Variants in KLRK1 observed in about 807,000 individuals in gnomAD.
KLRK1 encodes NKG2-D type II integral membrane protein.
Under a neutral mutation model 31.3 loss-of-function variants are expected in KLRK1, and 40 were observed. The observed-to-expected ratio is 1.28, with a 90% CI of 0.99 to 1.67. The LOEUF is 1.67. Ranked by LOEUF, KLRK1 falls within the 40% of genes most tolerant of loss-of-function variation. KLRK1 has a pLI of 0.00. For synonymous variants in KLRK1, 77 were observed against 77.3 expected, an observed-to-expected ratio of 1.00 and a Z score of 0.02; for missense variants, 251 against 260.0, an observed-to-expected ratio of 0.97 and a Z score of 0.24.
rs750918291 is a variant in KLRK1, at chr12:10,386,953, C to T, written c.98G>A (p.Arg33Gln). 1.4e-5 allele frequency: 23 copies of T among 1,611,420 alleles called. No homozygotes were observed. Among genetic ancestry groups the T allele is most frequent in the East Asian group, 6.7e-5 (3 of 44,568 alleles). The change falls in exon 3 of 8, where the codon CGA becomes CAA. Residue 33 changes from arginine to glutamine, a missense_variant. Coordinates refer to ENST00000240618, the MANE Select transcript of KLRK1 (RefSeq NM_007360.4). ...LDLKKSDFST[R>Q]WQKQRCPVVK... ...TACTGGACATCTTTGCTTTTGCCAT[C>T]GTGTTGAAAAATCACTCTTCTTCAG...
chr12:10,375,535 AT>A (rs1378123027), intron 7 of KLRK1, among the ~76,000 whole-genome samples: 1 of 152,214 alleles, frequency 6.6e-6, no homozygotes, highest in Non-Finnish European at 1.5e-5. Flanking sequence ...TAACATTGAT[AT>A]TGTTGTGACT....
At chr12:10,383,580 A>G (rs1469776961) in intron 3 of KLRK1, among the ~76,000 whole-genome samples, 1 of 152,108 alleles carries the variant, frequency 6.6e-6, no homozygotes, top group Admixed American at 6.5e-5. Context: ...CATTTTAAGC[A>G]ATGGACAGAT....
At chr12:10,376,947 G>C (rs573673910) in intron 7 of KLRK1, among the ~76,000 whole-genome samples, 37 of 152,220 alleles carry the variant, frequency 2.4e-4, no homozygotes, top group African/African-American at 8.4e-4. Context: ...CTCCCGAGTA[G>C]CTGGGATTAC....
At chr12:10,384,862 A>G (rs1417374443) in intron 3 of KLRK1, among the ~76,000 whole-genome samples, 3 of 152,108 alleles carry the variant, frequency 2.0e-5, no homozygotes, top group African/African-American at 7.2e-5. Flanking sequence ...CAAGAGACCA[A>G]TATCCAGAAT....
chr12:10,386,971 T>C lies in KLRK1; in HGVS notation c.80A>G (p.Lys27Arg), dbSNP rs528583023. 5 of 1,611,838 alleles carry C rather than the reference T, an allele frequency of 3.1e-6. No individual in the cohort carries two copies. In the African/African-American group the frequency reaches 4.0e-5, roughly 13 times the overall value. The change falls in exon 3 of 8, where the codon AAG becomes AGG. Residue 27 changes from lysine (K) to arginine (R), a missense_variant. Coordinates refer to ENST00000240618, the MANE Select transcript of KLRK1 (RefSeq NM_007360.4). ...TTGCCATCGTGTTGAAAAATCACTC[T>C]TCTTCAGATCCAAGTTATAATTATG... is the stretch of plus-strand genomic sequence containing the variant. ...EFHNYNLDLK[K>R]SDFSTRWQKQ...
intron 1 of KLRK1, among the ~76,000 whole-genome samples, chr12:10,389,435 A>G (rs972822774): frequency 1.3e-5 from 2 of 152,188 alleles, no homozygotes; most frequent in African/African-American, 4.8e-5. Flanking sequence ...TTAGCAATGC[A>G]CAGCAGAGCT....
At chr12:10,389,191 C>T (rs990954372) in intron 1 of KLRK1, among the ~76,000 whole-genome samples, 1 of 152,084 alleles carries the variant, frequency 6.6e-6, no homozygotes, top group South Asian at 2.1e-4. Flanking sequence ...TGTTTATAGT[C>T]GTTTATTGCT....
At chr12:10,373,419 A>T (rs1313476201) in intron 7 of KLRK1, among the ~76,000 whole-genome samples, 188 bp from the exon 8 acceptor site, 3 of 152,176 alleles carry the variant, frequency 2.0e-5, no homozygotes, top group Non-Finnish European at 4.4e-5. Flanking sequence ...ATTATAAATA[A>T]TGCGCCACTC....
chr12:10,387,080 T>C, intron 2 of KLRK1, 70 bp from the exon 3 acceptor site: 1 of 1,240,800 alleles, frequency 8.1e-7, no homozygotes, highest in Non-Finnish European at 1.1e-6. Context: ...ATTTTAAAAA[T>C]TCAGCTTGCC....
At chr12:10,384,828 A>G (rs1002801251) in intron 3 of KLRK1, among the ~76,000 whole-genome samples, 3 of 152,126 alleles carry the variant, frequency 2.0e-5, no homozygotes, top group Non-Finnish European at 4.4e-5. Context: ...AATAAGAGAA[A>G]ATACTCGCAA....
intron 2 of KLRK1, among the ~76,000 whole-genome samples, chr12:10,387,930 T>A (rs1384233513): frequency 2.0e-5 from 3 of 152,188 alleles, no homozygotes; most frequent in Non-Finnish European, 4.4e-5. Context: ...TAATCTTGCC[T>A]CTGAACAAAA....
chr12:10,378,157 C>A lies in KLRK1; in HGVS notation c.508G>T (p.Asp170Tyr). ...IPTNGSWQWE[D>Y]GSILSPNLLT... ...AGGTTGGGTGAGAGAATGGAGCCAT[C>A]TTCCCACTGCCAAGATCCATTTGTT... The change falls in exon 7 of 8, where the codon GAT becomes TAT. Residue 170 changes from aspartate (D) to tyrosine (Y), a missense_variant. Transcript: ENST00000240618. 1.2e-6 allele frequency: 2 copies of A among 1,614,092 alleles called. No individual in the cohort carries two copies. The highest frequency in any genetic ancestry group is 2.2e-5 in the South Asian group (2 of 91,078).
intron 3 of KLRK1, among the ~76,000 whole-genome samples, chr12:10,384,605 G>A (rs1204545526): frequency 1.3e-5 from 2 of 151,802 alleles, no homozygotes; most frequent in African/African-American, 2.4e-5. Context: ...AACTCAAAAT[G>A]GATTAATGAC....
At chr12:10,377,747 G>A (rs1420297038) in intron 7 of KLRK1, among the ~76,000 whole-genome samples, 2 of 152,102 alleles carry the variant, frequency 1.3e-5, no homozygotes, top group Non-Finnish European at 2.9e-5. Flanking sequence ...TAGTTCTCGA[G>A]ACTTATCAAA....
intron 4 of KLRK1, 28 bp from the exon 5 acceptor site, chr12:10,379,510 GT>G: frequency 7.1e-7 from 1 of 1,417,230 alleles, no homozygotes; most frequent in Admixed American, 2.0e-5. Context: ...AGTATTAAAA[GT>G]TTGTATTGTT....
chr12:10,386,814 C>A, intron 3 of KLRK1, 89 bp downstream of exon 3: 2 of 865,174 alleles, frequency 2.3e-6, no homozygotes, highest in South Asian at 2.7e-5. Context: ...AAGATAAAGT[C>A]AACTGAATGA....
At position 10,388,851 on chromosome 12, in the gene KLRK1, A is replaced by T; in HGVS notation, c.-41T>A. Reference sequence around the variant, plus strand: ...GCACGTCTACCGCAGAGAGGAATCTAAAGTCTTCAATGCACAAAGGATTCC... The same window carrying T: ...GCACGTCTACCGCAGAGAGGAATCTTAAGTCTTCAATGCACAAAGGATTCC... On this transcript the variant is annotated 5_prime_UTR_variant, in exon 2 of 8. Transcript: ENST00000240618. The T allele has an allele frequency of 6.2e-7, 1 of 1,612,592 alleles. No individual in the cohort carries two copies. Among genetic ancestry groups the T allele is most frequent in the South Asian group, 1.1e-5 (1 of 90,974 alleles).
chr12:10,381,659 A>ATTATC (rs1392182125), intron 3 of KLRK1, among the ~76,000 whole-genome samples: 1 of 152,220 alleles, frequency 6.6e-6, no homozygotes, highest in African/African-American at 2.4e-5. Flanking sequence ...CCCTTTAGTG[A>ATTATC]TTATCTTCTC....
intron 3 of KLRK1, among the ~76,000 whole-genome samples, chr12:10,385,358 G>GCACACACACA (rs1863146644): frequency 1.8e-5 from 1 of 55,236 alleles, no homozygotes; most frequent in Admixed American, 2.4e-4. Context: ...AAATAGCTAA[G>GCACACACACA]CACACACAGA....
Sources: gnomAD v4.1 joint callset for allele counts (sites outside exome capture counted in the v4.1 genomes callset) on GRCh38, gnomAD v4.1.1 for gene constraint, MANE v1.5 for transcripts, NCBI Gene and HGNC (gene_info 2026-07-23, HGNC 2026-07-21) for gene names.